RBM33: variants seen among roughly 807,000 people sequenced by gnomAD.
The protein encoded by RBM33 is RNA binding motif protein 33.
In RBM33, 28 loss-of-function variants were observed where a neutral mutation model predicts 132.6. The ratio of observed to expected loss-of-function variants is 0.21; its 90% CI spans 0.16 to 0.29. The LOEUF (loss-of-function observed/expected upper bound fraction) is 0.29, where lower values mean the gene tolerates loss of function less well. Among genes scored for constraint, RBM33 ranks in the 10% least tolerant of loss-of-function variants. The probability of loss-of-function intolerance (pLI) is 1.00; values close to 1 mark genes in which losing one functional copy is unlikely to be tolerated. For synonymous variants in RBM33, 634 were observed against 593.0 expected, an observed-to-expected ratio of 1.07 and a Z score of -1.01; for missense variants, 1,291 against 1,518.5, an observed-to-expected ratio of 0.85 and a Z score of 2.49.
intron 3 of RBM33, among the ~76,000 whole-genome samples, chr7:155,673,513 C>CGT (rs1163667151): frequency 3.3e-4 from 44 of 132,244 alleles, no homozygotes; most frequent in African/African-American, 1.2e-3. Context: ...TACATACACA[C>CGT]GTGTATATAT....
In RBM33 at chr7:155,766,483, G is replaced by A. The variant is rs142974306; in HGVS notation, c.3203G>A (p.Arg1068Gln). Residue 1068 changes from arginine to glutamine, a missense_variant, in exon 16 of 18, where the codon CGA (arginine) becomes CAA (glutamine). By Grantham distance (43) the Arg-to-Gln change is conservative. Around this residue, in one of 7 missense-constraint regions of RBM33, gnomAD observed 841 missense variants for 912.0 expected, o/e 0.92. Transcript: ENST00000401878. ...HPAKKAIMHG[R>Q]GRGVAGPMGR... ...TGTCACCAGGCCATCATGCACGGAC[G>A]AGGCAGAGGAGTGGCCGGTCCCATG... The A allele has an allele frequency of 1.2e-5, 19 of 1,613,188 alleles. No homozygotes were observed. The highest frequency in any genetic ancestry group is 4.0e-5 in the African/African-American group (3 of 74,890).
At chr7:155,704,838 T>G (rs2116965446) in intron 6 of RBM33, among the ~76,000 whole-genome samples, 1 of 152,282 alleles carries the variant, frequency 6.6e-6, no homozygotes, top group Non-Finnish European at 1.5e-5. Context: ...GGGAAAGAGA[T>G]TTCTCGGTAG....
At chr7:155,738,761 G>A (rs2117025825) in intron 11 of RBM33, 2 of 223,988 alleles carry the variant, frequency 8.9e-6, no homozygotes, top group African/African-American at 4.6e-5. Flanking sequence ...TTATATTCCT[G>A]CAGTAGACAG....
chr7:155,644,992 C>G, intron 1 of RBM33, 73 bp downstream of exon 1: 1 of 1,219,718 alleles, frequency 8.2e-7, no homozygotes, highest in South Asian at 1.5e-5. Context: ...GGGGGGCCTC[C>G]CCGCTTAGGA....
chr7:155,695,027 G>A (rs1315602272), intron 5 of RBM33, among the ~76,000 whole-genome samples: 5 of 152,130 alleles, frequency 3.3e-5, no homozygotes, highest in Non-Finnish European at 7.4e-5. Context: ...TACTGTGGGG[G>A]AGTACCTCAT....
intron 1 of RBM33, among the ~76,000 whole-genome samples, chr7:155,654,357 G>A (rs956456245): frequency 1.5e-4 from 22 of 151,094 alleles, no homozygotes; most frequent in Non-Finnish European, 2.7e-4. Flanking sequence ...TAGTTACTTT[G>A]TTTTACCATT....
At chr7:155,673,591 T>C (rs1252621516) in intron 3 of RBM33, among the ~76,000 whole-genome samples, 1 of 94,872 alleles carries the variant, frequency 1.1e-5, no homozygotes, top group Non-Finnish European at 2.2e-5. Flanking sequence ...TGTATATATA[T>C]ATACACACAT....
chr7:155,666,599 A>T lies in RBM33; in HGVS notation c.122+1346A>T, dbSNP rs139842782. On this transcript the variant is annotated intron_variant, in intron 2 of 17. Transcript: ENST00000401878. Reference sequence around the variant, plus strand: ...GGTCTTACTAGTAAGTACTAAAGCTAGTTTTGATTAAAAGACTGTGATGGT... The same window carrying T: ...GGTCTTACTAGTAAGTACTAAAGCTTGTTTTGATTAAAAGACTGTGATGGT... Among the ~76,000 whole-genome samples, 699 of 152,322 alleles carry T rather than the reference A, an allele frequency of 4.6e-3. 8 individuals carry two copies. Among genetic ancestry groups the T allele is most frequent in the African/African-American group, 0.016 (656 of 41,562 alleles).
At chr7:155,707,878 T>G (rs1208694695) in intron 7 of RBM33, among the ~76,000 whole-genome samples, 1 of 152,204 alleles carries the variant, frequency 6.6e-6, no homozygotes, top group Non-Finnish European at 1.5e-5. Flanking sequence ...CAGGGTGGTC[T>G]CGAACTCCTG....
rs978850372 is a variant in RBM33 at position 155,778,571 on chromosome 7, C to G, written c.*3530C>G. Reference sequence around the variant, plus strand: ...AGAGCCCTTGGGCCAGGGTGTTTGGCGGCACAGGGGCATCCGCTGGATGGC... The same window carrying G: ...AGAGCCCTTGGGCCAGGGTGTTTGGGGGCACAGGGGCATCCGCTGGATGGC... On this transcript the variant is annotated 3_prime_UTR_variant, in exon 18 of 18. Coordinates refer to ENST00000401878, the MANE Select transcript of RBM33 (RefSeq NM_053043.3). This position sits in a 1 kb window ranked among gnomAD's most constrained non-coding sequence, Gnocchi z 4.0. 6.6e-6 allele frequency: 1 copy of G among 152,168 alleles called. No individual in the cohort carries two copies. The highest frequency in any genetic ancestry group is 1.5e-5 in the Non-Finnish European group (1 of 68,156). 9.4% of individuals were successfully genotyped at this position (152,168 alleles called of 1,614,324 possible).
At chr7:155,694,672 T>G (rs1415418225) in intron 5 of RBM33, among the ~76,000 whole-genome samples, 1 of 152,208 alleles carries the variant, frequency 6.6e-6, no homozygotes, top group East Asian at 1.9e-4. Flanking sequence ...CTAAATGTAG[T>G]CATATAGTGT....
chr7:155,661,840 G>T (rs1016835400), intron 1 of RBM33, among the ~76,000 whole-genome samples: 4 of 152,038 alleles, frequency 2.6e-5, no homozygotes, highest in African/African-American at 9.7e-5. Flanking sequence ...GAAATCTGAC[G>T]CCTGATCCTC....
At chr7:155,720,552 A>G (rs921313342) in intron 9 of RBM33, among the ~76,000 whole-genome samples, 1 of 152,182 alleles carries the variant, frequency 6.6e-6, no homozygotes, top group Admixed American at 6.5e-5. Flanking sequence ...CTGTGAATGT[A>G]AATGTAATTT....
At chr7:155,684,878 A>G (rs1377273295) in intron 5 of RBM33, 2 of 1,513,574 alleles carry the variant, frequency 1.3e-6, no homozygotes, top group Admixed American at 2.4e-5. Flanking sequence ...AGTACGTAAA[A>G]AAACCACCCC....
intron 8 of RBM33, among the ~76,000 whole-genome samples, chr7:155,714,229 T>C (rs1800393720): frequency 6.6e-6 from 1 of 152,072 alleles, no homozygotes; most frequent in Non-Finnish European, 1.5e-5. Context: ...TTTATGAGGG[T>C]CATAGTTTTC....
At chr7:155,744,164 C>A (rs879823124) in intron 13 of RBM33, among the ~76,000 whole-genome samples, 1 of 152,160 alleles carries the variant, frequency 6.6e-6, no homozygotes, top group Admixed American at 6.5e-5. Context: ...TAGCTGAATT[C>A]TAGATAGATT....
intron 8 of RBM33, among the ~76,000 whole-genome samples, chr7:155,713,627 T>TGAG (rs1222182458): frequency 6.6e-6 from 1 of 151,824 alleles, no homozygotes; most frequent in Non-Finnish European, 1.5e-5. Flanking sequence ...GCGGGGCTGG[T>TGAG]GAGGAGGAGG....
chr7:155,711,917 GGCAAAAT>G (rs1800314958), intron 8 of RBM33, among the ~76,000 whole-genome samples: 1 of 152,170 alleles, frequency 6.6e-6, no homozygotes, highest in South Asian at 2.1e-4. Context: ...CCGTCTCTGC[GGCAAAAT>G]AGTTTTCACA....
rs562275603 is a variant in RBM33, at chr7:155,758,858, C to G, written c.2980-4954C>G. Among the ~76,000 whole-genome samples the G allele has an allele frequency of 5.3e-5, 8 of 152,262 alleles. No individual in the cohort carries two copies. In the South Asian group the frequency reaches 1.7e-3, roughly 32 times the overall value. ...GCAAGAGACCACCGAGAGCCAGACC[C>G]ACTGGGAAGAAAAACCAAGTAGCTG... On this transcript the variant is annotated intron_variant, in intron 14 of 17. Coordinates refer to ENST00000401878, the MANE Select transcript of RBM33 (RefSeq NM_053043.3).
Sources: gnomAD v4.1 joint callset for allele counts (sites outside exome capture counted in the v4.1 genomes callset) on GRCh38, gnomAD v4.1.1 for gene constraint, gnomAD v4.1.1 regional missense constraint, Gnocchi (gnomAD v3.1) non-coding constraint, MANE v1.5 for transcripts, NCBI Gene and HGNC (gene_info 2026-07-23, HGNC 2026-07-21) for gene names.